NBEA: variants seen among roughly 807,000 people sequenced by gnomAD.
The protein encoded by NBEA is lysosomal-trafficking regulator 2.
Under a neutral mutation model 343.4 loss-of-function variants are expected in NBEA, and 44 were observed. The ratio of observed to expected loss-of-function variants is 0.13; its 90% CI spans 0.10 to 0.16. The LOEUF is 0.16. Ranked by LOEUF, NBEA falls within the 10% of genes least tolerant of loss-of-function variation. The pLI is 1.00. For synonymous variants in NBEA, 1,175 were observed against 1,238.7 expected (o/e 0.95, Z 1.08); for missense variants, 2,555 against 3,631.3 (o/e 0.70, Z 7.62).
At chr13:35,223,880 G>A (rs1443582951) in intron 33 of NBEA, among the ~76,000 whole-genome samples, 3 of 152,028 alleles carry the variant, frequency 2.0e-5, no homozygotes, top group African/African-American at 7.2e-5. Context: ...ATGTTGGCAG[G>A]GCTGCATTTC....
intron 24 of NBEA, among the ~76,000 whole-genome samples, chr13:35,165,969 G>A (rs2069990807): frequency 6.6e-6 from 1 of 152,124 alleles, no homozygotes; most frequent in East Asian, 1.9e-4. Flanking sequence ...ACAGGCATGA[G>A]CCACTGCTCC....
intron 40 of NBEA, among the ~76,000 whole-genome samples, chr13:35,470,571 A>T (rs943303420): frequency 3.3e-5 from 5 of 152,222 alleles, no homozygotes; most frequent in African/African-American, 1.2e-4. Flanking sequence ...AACAATGTAC[A>T]ACTTTGTTTC....
chr13:34,985,045 G>T (rs1460014903), intron 1 of NBEA, among the ~76,000 whole-genome samples: 1 of 150,926 alleles, frequency 6.6e-6, no homozygotes, highest in Non-Finnish European at 1.5e-5. Flanking sequence ...TCTCTTGCCT[G>T]ATTGCCCTGG....
intron 34 of NBEA, among the ~76,000 whole-genome samples, chr13:35,278,105 A>G (rs1402530826): frequency 1.4e-5 from 2 of 147,844 alleles, no homozygotes; most frequent in East Asian, 3.9e-4. Context: ...ATATATATAT[A>G]TAAAATATAT....
At chr13:35,530,833 A>G (rs879789422) in intron 41 of NBEA, among the ~76,000 whole-genome samples, 1 of 152,244 alleles carries the variant, frequency 6.6e-6, no homozygotes, top group Non-Finnish European at 1.5e-5. Context: ...CATGCCATCT[A>G]CATGAAAACA....
intron 1 of NBEA, among the ~76,000 whole-genome samples, chr13:34,976,004 AAC>A (rs2060160727): frequency 2.6e-5 from 4 of 152,320 alleles, no homozygotes; most frequent in African/African-American, 4.8e-5. Context: ...CATTGTGGAA[AAC>A]AGTGTCGAGA....
chr13:35,350,698 A>G (rs945852439), intron 37 of NBEA, among the ~76,000 whole-genome samples: 13 of 150,172 alleles, frequency 8.7e-5, no homozygotes, highest in Non-Finnish European at 3.0e-5. Context: ...TGAAATGTTT[A>G]TATCTCTCCT....
At chr13:35,589,091 A>G (rs941298701) in intron 46 of NBEA, among the ~76,000 whole-genome samples, 2 of 152,266 alleles carry the variant, frequency 1.3e-5, no homozygotes, top group African/African-American at 4.8e-5. Context: ...CTGAGGCATT[A>G]AGGACAATGC....
At position 35,142,342 on chromosome 13, in the gene NBEA, A is replaced by C. The variant is rs774652819; in HGVS notation, c.2410A>C (p.Thr804Pro). Residue 804 changes from threonine to proline, a missense_variant, in exon 18 of 59, where the codon ACT becomes CCT. Physicochemically the swap from Thr to Pro is conservative, Grantham distance 38. Around this residue, in one of 21 missense-constraint regions of NBEA, gnomAD observed 360 missense variants for 519.1 expected, o/e 0.69. Coordinates refer to ENST00000379939, the MANE Select transcript of NBEA (RefSeq NM_001385012.1). ...LGERLMLHTN[T>P]VTVTTYNTLY... ...AGAAAGGCTGATGTTGCATACAAAC[A>C]CTGTGACTGTCACCACATACAACAC... 6.2e-7 allele frequency: 1 copy of C among 1,613,206 alleles called. No individual in the cohort carries two copies.
chr13:35,030,060 C>G, intron 1 of NBEA, among the ~76,000 whole-genome samples: 1 of 151,606 alleles, frequency 6.6e-6, no homozygotes. Context: ...ACTGGTTTAT[C>G]CTTCTCTTTT....
chr13:35,484,852 A>G (rs890134446), intron 41 of NBEA, among the ~76,000 whole-genome samples: 1 of 152,062 alleles, frequency 6.6e-6, no homozygotes, highest in Admixed American at 6.6e-5. Context: ...GTTATTGATT[A>G]TGTTTCCAAG....
chr13:34,944,372 A>G (rs1038293858), intron 1 of NBEA, among the ~76,000 whole-genome samples: 3 of 152,254 alleles, frequency 2.0e-5, no homozygotes, highest in South Asian at 4.1e-4. Flanking sequence ...GATAATGTCT[A>G]CGGTTTATGA....
At chr13:35,046,698 G>A (rs148937642) in intron 4 of NBEA, among the ~76,000 whole-genome samples, 1 of 152,158 alleles carries the variant, frequency 6.6e-6, no homozygotes, top group East Asian at 1.9e-4. Flanking sequence ...AAACTTTTGT[G>A]AGTGTTGTGT....
At chr13:35,010,755 T>A (rs867932523) in intron 1 of NBEA, among the ~76,000 whole-genome samples, 40,100 of 88,364 alleles carry the variant, frequency 0.45, 11,914 homozygotes, top group South Asian at 0.61. Context: ...TATATATATA[T>A]ATATATATAT....
chr13:35,303,598 A>G (rs1393494419), intron 35 of NBEA, among the ~76,000 whole-genome samples: 1 of 152,184 alleles, frequency 6.6e-6, no homozygotes, highest in East Asian at 1.9e-4. Context: ...CAAGTACAGG[A>G]AAACTTCACA....
chr13:35,040,283 G>A (rs1315934210), intron 1 of NBEA, among the ~76,000 whole-genome samples: 1 of 151,476 alleles, frequency 6.6e-6, no homozygotes, highest in East Asian at 1.9e-4. Context: ...AAATGGGAGG[G>A]GCAGTATGAC....
chr13:35,138,613 C>G (rs901894728), intron 17 of NBEA, among the ~76,000 whole-genome samples: 1 of 151,998 alleles, frequency 6.6e-6, no homozygotes, highest in African/African-American at 2.4e-5. Flanking sequence ...GCGCCTGTCA[C>G]CATGCCCGGC....
At chr13:35,462,952 G>A (rs77316525) in intron 40 of NBEA, among the ~76,000 whole-genome samples, 3,389 of 152,242 alleles carry the variant, frequency 0.022, 122 homozygotes, top group African/African-American at 0.078. Context: ...ATGAAGATGC[G>A]TGATCTGTTG....
chr13:35,069,328 G>A (rs1004156178), intron 8 of NBEA, among the ~76,000 whole-genome samples: 6 of 151,986 alleles, frequency 3.9e-5, no homozygotes, highest in African/African-American at 1.4e-4. Context: ...GATGGCATAG[G>A]TTTAGTTCTT....
Sources: gnomAD v4.1 joint callset for allele counts (sites outside exome capture counted in the v4.1 genomes callset) on GRCh38, gnomAD v4.1.1 for gene constraint, gnomAD v4.1.1 regional missense constraint, MANE v1.5 for transcripts, NCBI Gene and HGNC (gene_info 2026-07-23, HGNC 2026-07-21) for gene names.